PCP4L1: variants seen among roughly 807,000 people sequenced by gnomAD.
PCP4L1 encodes the protein Purkinje cell protein 4 like 1.
A neutral mutation model predicts 9.6 loss-of-function variants in PCP4L1; 9 were observed. The ratio of observed to expected loss-of-function variants is 0.94; its 90% CI spans 0.57 to 1.64. The LOEUF is 1.64. PCP4L1 is among the 40% of genes most tolerant of loss of function. The pLI is 0.00. For synonymous variants in PCP4L1, 31 were observed against 28.2 expected, an observed-to-expected ratio of 1.10 and a Z score of -0.31; for missense variants, 81 against 80.8, an observed-to-expected ratio of 1.00 and a Z score of -0.01.
rs374027930 is a variant in PCP4L1 at position 161,270,107 on chromosome 1, G to T, written c.9+11124G>T. ...AGGTCAGAAGTTCAAGACCAGCCTG[G>T]CCAACATGGTGAAACCCGGTCTCTA... On this transcript the variant is annotated intron_variant, in intron 1 of 2. Transcript: ENST00000504449. Among the ~76,000 whole-genome samples the T allele has an allele frequency of 2.4e-4, 37 of 152,136 alleles. 1 individual carries two copies. The East Asian group carries it at 6.8e-3, about 28-fold the overall frequency.
At chr1:161,268,253 G>A (rs935852344) in intron 1 of PCP4L1, among the ~76,000 whole-genome samples, 2 of 150,826 alleles carry the variant, frequency 1.3e-5, no homozygotes, top group African/African-American at 4.9e-5. Context: ...TCTAGGGCTT[G>A]TTTAGAAGGG....
chr1:161,272,187 T>C (rs1424591915), intron 1 of PCP4L1, among the ~76,000 whole-genome samples: 1 of 21,898 alleles, frequency 4.6e-5, no homozygotes, highest in African/African-American at 2.1e-4. Context: ...GGGTAATCCC[T>C]TTTTTTTTTT....
intron 1 of PCP4L1, among the ~76,000 whole-genome samples, chr1:161,281,912 C>T (rs1043397533): frequency 1.3e-5 from 2 of 150,346 alleles, no homozygotes; most frequent in Non-Finnish European, 3.0e-5. Flanking sequence ...GGATGGCGGC[C>T]GGGAAGAGGC....
chr1:161,282,441 A>G (rs1000676617), intron 1 of PCP4L1, among the ~76,000 whole-genome samples: 10 of 150,228 alleles, frequency 6.7e-5, no homozygotes, highest in African/African-American at 2.5e-4. Context: ...GGAGAGGGAG[A>G]AGGATTTTTA....
At chr1:161,264,954 G>A (rs999806297) in intron 1 of PCP4L1, among the ~76,000 whole-genome samples, 1 of 152,158 alleles carries the variant, frequency 6.6e-6, no homozygotes, top group Admixed American at 6.5e-5. Context: ...TACTAGTCAG[G>A]GCAGGTACTA....
At chr1:161,283,853 C>T in intron 2 of PCP4L1, 131 bp downstream of exon 2, 1 of 941,388 alleles carries the variant, frequency 1.1e-6, no homozygotes, top group Non-Finnish European at 1.6e-6. Context: ...AAACAAAGTA[C>T]CAGTTTGGAA....
At position 161,284,358 on chromosome 1, in the gene PCP4L1, GA is replaced by G. The variant is rs1558147808; in HGVS notation, c.86del (p.Lys29ArgfsTer12). The stretch of plus-strand genomic sequence containing the variant: ...CTGCAGGAAAAGCTGGCAATGTCAA[GA>G]AGGCGGAGGAGGAGGAGGAGATTGA... ...EEKGKAGNVK[K>X]AEEEEEIDID... On this transcript the variant is annotated frameshift_variant, in exon 3 of 3. Transcript: ENST00000504449. LOFTEE classifies it high-confidence loss of function. The G allele has an allele frequency of 8.7e-6, 14 of 1,614,022 alleles. No homozygotes were observed. Among genetic ancestry groups the G allele is most frequent in the Non-Finnish European group, 1.1e-5 (13 of 1,179,890 alleles).
intron 1 of PCP4L1, among the ~76,000 whole-genome samples, chr1:161,283,215 T>A (rs1669852628): frequency 6.6e-6 from 1 of 152,196 alleles, no homozygotes. Context: ...GCCAGATATC[T>A]ATGAGCCTTA....
rs1158758698 is a variant in PCP4L1, at chr1:161,284,567, C to T, written c.*86C>T. On this transcript the variant is annotated 3_prime_UTR_variant, in exon 3 of 3. Coordinates refer to ENST00000504449, the MANE Select transcript of PCP4L1 (RefSeq NM_001102566.2). ...ACCCATGTATCTTTATCCCTTGTCCCTCTAGCCTTTCCTTGAGGCAAGTTC... is the reference window on the plus strand; with the variant it reads ...ACCCATGTATCTTTATCCCTTGTCCTTCTAGCCTTTCCTTGAGGCAAGTTC... The T allele has an allele frequency of 1.3e-6, 2 of 1,519,662 alleles. No individual in the cohort carries two copies. The highest frequency in any genetic ancestry group is 1.4e-5 in the African/African-American group (1 of 72,004). The allele number at this position is 1,519,662 out of a possible 1,614,324, so 94.1% of individuals were successfully genotyped here. A position where few individuals can be genotyped will look rare whatever the true frequency, so the allele number is the denominator to read the frequency against.
At chr1:161,275,673 AAG>A (rs1460638113) in intron 1 of PCP4L1, among the ~76,000 whole-genome samples, 2 of 152,128 alleles carry the variant, frequency 1.3e-5, no homozygotes, top group Non-Finnish European at 1.5e-5. Flanking sequence ...TTACTGGCAA[AAG>A]AGAGCATAGG....
At chr1:161,272,592 A>G (rs888283025) in intron 1 of PCP4L1, among the ~76,000 whole-genome samples, 9 of 151,896 alleles carry the variant, frequency 5.9e-5, no homozygotes, top group Non-Finnish European at 1.3e-4. Flanking sequence ...GTATTCCTCA[A>G]TATTGACAAT....
chr1:161,280,208 A>G (rs1270627728), intron 1 of PCP4L1, among the ~76,000 whole-genome samples: 1 of 152,150 alleles, frequency 6.6e-6, no homozygotes, highest in Non-Finnish European at 1.5e-5. Flanking sequence ...ACTTCAAAAT[A>G]TAGAAGCAGT....
At chr1:161,279,773 C>T (rs757613991) in intron 1 of PCP4L1, among the ~76,000 whole-genome samples, 1 of 152,174 alleles carries the variant, frequency 6.6e-6, no homozygotes, top group Non-Finnish European at 1.5e-5. Flanking sequence ...TGAACCATAC[C>T]TTGAGACTGA....
At chr1:161,282,399 G>GTGGGGAGAGGGAGAGGGAGACCT (rs1669837968) in intron 1 of PCP4L1, among the ~76,000 whole-genome samples, 1 of 148,288 alleles carries the variant, frequency 6.7e-6, no homozygotes, top group Admixed American at 6.7e-5. Flanking sequence ...GAGGGAGACC[G>GTGGGGAGAGGGAGAGGGAGACCT]TGGGGAGAGG....
At chr1:161,271,272 G>A (rs1669621229) in intron 1 of PCP4L1, among the ~76,000 whole-genome samples, 1 of 152,084 alleles carries the variant, frequency 6.6e-6, no homozygotes, top group Non-Finnish European at 1.5e-5. Context: ...ATATCTCATT[G>A]TGGTTTTAAT....
chr1:161,275,919 C>T (rs1219592402), intron 1 of PCP4L1, among the ~76,000 whole-genome samples: 1 of 151,878 alleles, frequency 6.6e-6, no homozygotes, highest in African/African-American at 2.4e-5. Context: ...CCCCAGCCTC[C>T]CCAGTAGCTG....
chr1:161,276,235 T>C (rs981781651), intron 1 of PCP4L1, among the ~76,000 whole-genome samples: 1 of 152,122 alleles, frequency 6.6e-6, no homozygotes, highest in Admixed American at 6.5e-5. Context: ...AGGGGGATTA[T>C]GGGGAGAGAA....
Position 161,272,129 on chromosome 1 carries a change from A to G in PCP4L1, c.10-11539A>G, listed in dbSNP as rs114709739. 4.7e-3 allele frequency among the ~76,000 whole-genome samples: 705 copies of G among 151,392 alleles called. 2 individuals are homozygous for G. Among genetic ancestry groups the G allele is most frequent in the African/African-American group, 0.016 (662 of 41,270 alleles). The stretch of plus-strand genomic sequence containing the variant: ...CCTAATTGTACATATTCATGGGGGT[A>G]CATAGTGAGTGATATTTTGATACAT... On this transcript the variant is annotated intron_variant, in intron 1 of 2. Coordinates refer to ENST00000504449, the MANE Select transcript of PCP4L1 (RefSeq NM_001102566.2).
intron 1 of PCP4L1, among the ~76,000 whole-genome samples, chr1:161,266,173 G>A (rs532009127): frequency 3.7e-4 from 57 of 152,168 alleles, no homozygotes; most frequent in African/African-American, 1.2e-3. Context: ...CCGAAGCCAT[G>A]CCCAGTACCC....
Sources: gnomAD v4.1 joint callset for allele counts (sites outside exome capture counted in the v4.1 genomes callset) on GRCh38, gnomAD v4.1.1 for gene constraint, MANE v1.5 for transcripts, NCBI Gene and HGNC (gene_info 2026-07-23, HGNC 2026-07-21) for gene names.